Variants in ETF1 observed in about 807,000 individuals in gnomAD.
The protein encoded by ETF1 is eukaryotic peptide chain release factor subunit 1.
Under a neutral mutation model 55.1 loss-of-function variants are expected in ETF1, and 4 were observed. That is an observed-to-expected ratio of 0.07 (90% CI 0.04 to 0.17). ETF1 has a LOEUF of 0.17. Ranked by LOEUF, ETF1 falls within the 10% of genes least tolerant of loss-of-function variation. The pLI is 1.00. For missense variants in ETF1, 142 were observed against 523.6 expected, an observed-to-expected ratio of 0.27 and a Z score of 7.11; for synonymous variants, 157 against 182.3, an observed-to-expected ratio of 0.86 and a Z score of 1.12.
intron 2 of ETF1, among the ~76,000 whole-genome samples, chr5:138,520,778 C>G (rs766372082): frequency 1.3e-4 from 19 of 151,994 alleles, no homozygotes; most frequent in Non-Finnish European, 2.1e-4. Context: ...TATGATTTGC[C>G]ACTGCACTCC....
intron 2 of ETF1, among the ~76,000 whole-genome samples, chr5:138,524,788 G>A (rs1033357429): frequency 1.3e-5 from 2 of 151,952 alleles, no homozygotes; most frequent in Admixed American, 6.5e-5. Context: ...ATGTTGGCCA[G>A]GATGGTCTTG....
chr5:138,513,759 C>CA (rs1174538320), intron 4 of ETF1, 53 bp from the exon 5 acceptor site: 5 of 1,553,592 alleles, frequency 3.2e-6, no homozygotes, highest in South Asian at 1.2e-5. Flanking sequence ...TTGCTAAGGT[C>CA]AAAAAAACTC....
At chr5:138,509,767 C>T (rs914500268) in intron 9 of ETF1, among the ~76,000 whole-genome samples, 3 of 151,488 alleles carry the variant, frequency 2.0e-5, no homozygotes, top group African/African-American at 4.9e-5. Context: ...TGGTGGCGGG[C>T]GCCTGTAGTC....
At chr5:138,537,701 C>T (rs1232274296) in intron 2 of ETF1, among the ~76,000 whole-genome samples, 2 of 151,480 alleles carry the variant, frequency 1.3e-5, no homozygotes, top group South Asian at 2.1e-4. Context: ...CATTCTCCTG[C>T]CTCAGCCTCC....
intron 2 of ETF1, among the ~76,000 whole-genome samples, chr5:138,523,215 A>T (rs913142776): frequency 6.6e-6 from 1 of 151,952 alleles, no homozygotes; most frequent in Admixed American, 6.6e-5. Context: ...AAAAATACAA[A>T]AATTAGCCGG....
intron 2 of ETF1, among the ~76,000 whole-genome samples, chr5:138,531,583 T>A (rs1024931046): frequency 1.3e-4 from 20 of 152,334 alleles, no homozygotes; most frequent in Admixed American, 5.2e-4. Context: ...AGGAACGTTT[T>A]AGACACTGCT....
At chr5:138,509,402 T>C (rs1022778633) in intron 9 of ETF1, among the ~76,000 whole-genome samples, 10 of 152,146 alleles carry the variant, frequency 6.6e-5, no homozygotes, top group Non-Finnish European at 1.5e-5. Context: ...CTATTAAATT[T>C]CAAGGATAAT....
intron 2 of ETF1, among the ~76,000 whole-genome samples, chr5:138,538,670 G>GA (rs527875055): frequency 0.016 from 2,231 of 143,328 alleles, 37 homozygotes; most frequent in African/African-American, 0.047. Context: ...GATAGTGAGG[G>GA]AAAAAAAAAA....
intron 2 of ETF1, among the ~76,000 whole-genome samples, chr5:138,524,585 G>T (rs71587276): frequency 0.99 from 141,814 of 143,258 alleles, 70,193 homozygotes; most frequent in East Asian, 1. Flanking sequence ...TCCGTTTTTT[G>T]TTTTTTTTTT....
intron 2 of ETF1, among the ~76,000 whole-genome samples, chr5:138,526,547 T>G (rs142214536): frequency 6.6e-6 from 1 of 152,094 alleles, no homozygotes; most frequent in Admixed American, 6.6e-5. Flanking sequence ...GCCTACCCCC[T>G]GCCCCCCAGG....
At chr5:138,534,744 T>C (rs142590249) in intron 2 of ETF1, among the ~76,000 whole-genome samples, 1 of 152,360 alleles carries the variant, frequency 6.6e-6, no homozygotes, top group Non-Finnish European at 1.5e-5. Flanking sequence ...AAGGTAGTGT[T>C]GTACAAATTA....
At chr5:138,521,677 C>G (rs1227512135) in intron 2 of ETF1, among the ~76,000 whole-genome samples, 1 of 152,140 alleles carries the variant, frequency 6.6e-6, no homozygotes, top group Non-Finnish European at 1.5e-5. Context: ...CAGGCTTGTG[C>G]CACCAGGCCC....
chr5:138,532,374 C>T (rs2127119306), intron 2 of ETF1, among the ~76,000 whole-genome samples: 1 of 152,318 alleles, frequency 6.6e-6, no homozygotes, highest in Non-Finnish European at 1.5e-5. Context: ...GCAAACCACA[C>T]AAATCCCTGT....
chr5:138,538,553 G>A (rs747497587), intron 2 of ETF1, among the ~76,000 whole-genome samples: 2 of 151,944 alleles, frequency 1.3e-5, no homozygotes, highest in Non-Finnish European at 2.9e-5. Flanking sequence ...GAAAGAGCCA[G>A]AATAGAGGAC....
intron 6 of ETF1, among the ~76,000 whole-genome samples, chr5:138,512,246 ATATATATATATATTT>A (rs1190453567): frequency 7.5e-4 from 7 of 9,316 alleles, no homozygotes; most frequent in African/African-American, 1.8e-3. Context: ...ATATATATAT[ATATATATATATATTT>A]TTTTTTTTTT....
rs1280899454 is a variant in ETF1, at chr5:138,508,351, T to C, written c.1268A>G (p.Glu423Gly). Residue 423 changes from glutamate to glycine, a missense_variant, in exon 11 of 11, where the codon GAA becomes GGA. Around this residue, in one of 5 missense-constraint regions of ETF1, gnomAD observed 82 missense variants for 232.9 expected, o/e 0.35. Coordinates refer to ENST00000360541, the MANE Select transcript of ETF1 (RefSeq NM_004730.4). Reference protein sequence around the residue: ...LRYRVDFQGMEYQGGDDEFFD... With the variant: ...LRYRVDFQGMGYQGGDDEFFD... ...AAATTCATCGTCTCCTCCTTGGTAT[T>C]CCATTCCCTGGAAATCTACTCGGTA... 2 of 1,614,088 alleles carry C rather than the reference T, an allele frequency of 1.2e-6. No homozygotes were observed. Among genetic ancestry groups the C allele is most frequent in the Non-Finnish European group, 1.7e-6 (2 of 1,180,020 alleles).
intron 6 of ETF1, 176 bp downstream of exon 6, chr5:138,512,588 C>A: frequency 2.0e-6 from 1 of 509,242 alleles, no homozygotes; most frequent in South Asian, 3.5e-5. Context: ...AGAAGGGGTT[C>A]AGAAAAGCAC....
chr5:138,506,202 G>C lies in ETF1; in HGVS notation c.*2103C>G, dbSNP rs781313782. Reference sequence around the variant, plus strand: ...AGGCTATAGAGAATGCAAAGGCTACGGTTTTCACCCCCTCTTATATGTGTT... The same window carrying C: ...AGGCTATAGAGAATGCAAAGGCTACCGTTTTCACCCCCTCTTATATGTGTT... On this transcript the variant is annotated 3_prime_UTR_variant, in exon 11 of 11. Transcript: ENST00000360541. 1 of 152,476 alleles carries C rather than the reference G, an allele frequency of 6.6e-6. No homozygotes were observed. Among genetic ancestry groups the C allele is most frequent in the Admixed American group, 6.6e-5 (1 of 15,256 alleles). 9.4% of individuals were successfully genotyped at this position (152,476 alleles called of 1,614,324 possible). A position where few individuals can be genotyped will look rare whatever the true frequency, so the allele number is the denominator to read the frequency against.
In ETF1 at chr5:138,519,707, T is replaced by C. The variant is rs554214981; in HGVS notation, c.87-840A>G. ...CTCTCTCTCACAAACTCATTCTCTTTAAATGGCAACATATTAATTGCATTT... is the reference window on the plus strand; with the variant it reads ...CTCTCTCTCACAAACTCATTCTCTTCAAATGGCAACATATTAATTGCATTT... On this transcript the variant is annotated intron_variant, in intron 2 of 10. Transcript: ENST00000360541. 2.3e-3 allele frequency among the ~76,000 whole-genome samples: 348 copies of C among 152,152 alleles called. 2 individuals are homozygous for C. The highest frequency in any genetic ancestry group is 8.2e-3 in the African/African-American group (341 of 41,502).
Sources: gnomAD v4.1 joint callset for allele counts (sites outside exome capture counted in the v4.1 genomes callset) on GRCh38, gnomAD v4.1.1 for gene constraint, gnomAD v4.1.1 regional missense constraint, MANE v1.5 for transcripts, NCBI Gene and HGNC (gene_info 2026-07-23, HGNC 2026-07-21) for gene names.